TPTE2: variants seen among roughly 807,000 people sequenced by gnomAD.
TPTE2 encodes transmembrane phosphoinositide 3-phosphatase and tensin homolog 2.
TPTE2 carries 53 observed loss-of-function variants against 78.6 expected under a neutral mutation model. The observed-to-expected ratio is 0.67, with a 90% confidence interval of 0.54 to 0.85. The LOEUF is 0.85. Among genes scored for constraint, TPTE2 ranks in the 40% least tolerant of loss-of-function variants. The pLI, the probability that TPTE2 is intolerant of heterozygous loss-of-function variation, is 0.00. For synonymous variants in TPTE2, 175 were observed against 206.2 expected (o/e 0.85, Z 1.30); for missense variants, 461 against 623.0 (o/e 0.74, Z 2.77).
rs750815799 is a variant in TPTE2, at chr13:19,465,335, A to G, written c.613-17T>C. ...TTCTGAAACCTGAGAGTTTAAAATC[A>G]TCATTAGTTTGTGAAACATTCATCA... On this transcript the variant is annotated splice_polypyrimidine_tract_variant and intron_variant, in intron 8 of 19. Transcript: ENST00000400230. 2.5e-6 allele frequency: 4 copies of G among 1,613,880 alleles called. No individual in the cohort carries two copies. Among genetic ancestry groups the G allele is most frequent in the Non-Finnish European group, 3.4e-6 (4 of 1,179,818 alleles).
intron 13 of TPTE2, among the ~76,000 whole-genome samples, chr13:19,444,026 C>T (rs1312473922): frequency 6.6e-6 from 1 of 151,882 alleles, no homozygotes; most frequent in African/African-American, 2.4e-5. Flanking sequence ...AGGCTGGGCA[C>T]GGTGGCTCAG....
upstream of TPTE2, among the ~76,000 whole-genome samples, chr13:19,507,191 C>G (rs1800367149): frequency 6.6e-6 from 1 of 150,550 alleles, no homozygotes; most frequent in African/African-American, 2.5e-5. Context: ...TCATTTGGGT[C>G]AGAGCTAAAG....
upstream of TPTE2, among the ~76,000 whole-genome samples, chr13:19,504,841 T>TCTCTTTCTCTCCCTTTC (rs1868891181): frequency 6.6e-6 from 1 of 152,090 alleles, no homozygotes; most frequent in Admixed American, 6.6e-5. Context: ...CTCTCTCTTT[T>TCTCTTTCTCTCCCTTTC]CTCTTTCTCT....
At chr13:19,448,389 C>T (rs1340908554) in intron 13 of TPTE2, among the ~76,000 whole-genome samples, 1 of 152,044 alleles carries the variant, frequency 6.6e-6, no homozygotes, top group Non-Finnish European at 1.5e-5. Flanking sequence ...AAAGAGAGAA[C>T]CTACAGAATG....
At chr13:19,483,804 G>A (rs1235489405) in intron 3 of TPTE2, among the ~76,000 whole-genome samples, 1 of 151,952 alleles carries the variant, frequency 6.6e-6, no homozygotes, top group Non-Finnish European at 1.5e-5. Context: ...TATACTTTAA[G>A]TTCTAGGGTA....
chr13:19,536,965 TTATAAA>T (rs1450348240), upstream of TPTE2, among the ~76,000 whole-genome samples: 15 of 150,948 alleles, frequency 9.9e-5, no homozygotes, highest in South Asian at 1.0e-3. Context: ...AGAACATATA[TTATAAA>T]TATAATTATG....
At chr13:19,429,279 T>C (rs1876375670) in intron 17 of TPTE2, among the ~76,000 whole-genome samples, 5 of 152,368 alleles carry the variant, frequency 3.3e-5, no homozygotes, top group Admixed American at 6.5e-5. Context: ...AAGGAGATTC[T>C]GGACAATTAG....
At chr13:19,423,128 A>G (rs1875728735) in exon 20 of TPTE2, 17 of 1,611,748 alleles carry the variant, frequency 1.1e-5, no homozygotes, top group Non-Finnish European at 1.4e-5. Flanking sequence ...CTTTTTGTTT[A>G]TGTGGATTAT....
At position 19,474,639 on chromosome 13, in the gene TPTE2, T is replaced by C. The variant is rs139902925; in HGVS notation, c.231-564A>G. On this transcript the variant is annotated intron_variant, in intron 5 of 19. Coordinates refer to ENST00000400230, the Ensembl canonical transcript of TPTE2. ...AGCATAGTGATGGGCACATGAGTCT[T>C]GAACTCTAAAGTACTTCCTGCCACT... Among the ~76,000 whole-genome samples, 327 of 152,326 alleles carry C rather than the reference T, an allele frequency of 2.1e-3. 4 individuals are homozygous for C. The highest frequency in any genetic ancestry group is 7.1e-3 in the African/African-American group (296 of 41,576).
At chr13:19,459,649 G>A (rs1348298501) in intron 10 of TPTE2, among the ~76,000 whole-genome samples, 4 of 152,196 alleles carry the variant, frequency 2.6e-5, no homozygotes, top group African/African-American at 9.6e-5. Context: ...CTCCATTTCA[G>A]GGAGAGATCA....
At chr13:19,543,935 G>A in the TPTE2 span, among the ~76,000 whole-genome samples, 4 of 151,360 alleles carry the variant, frequency 2.6e-5, no homozygotes, top group Admixed American at 1.3e-4. Flanking sequence ...TGATGGCAAT[G>A]CCCGTAGTCC....
intron 10 of TPTE2, among the ~76,000 whole-genome samples, chr13:19,462,010 CA>C (rs1366328616): frequency 6.7e-6 from 1 of 148,712 alleles, no homozygotes; most frequent in Non-Finnish European, 1.5e-5. Context: ...ACATTACATT[CA>C]AGGTTACTAT....
upstream of TPTE2, among the ~76,000 whole-genome samples, chr13:19,505,053 C>T (rs754081085): frequency 2.6e-5 from 4 of 152,098 alleles, no homozygotes; most frequent in Non-Finnish European, 4.4e-5. Context: ...TAATTCTAAA[C>T]TTACTTTTTG....
chr13:19,483,622 A>C (rs748302560), intron 3 of TPTE2, among the ~76,000 whole-genome samples: 1 of 151,908 alleles, frequency 6.6e-6, no homozygotes, highest in Non-Finnish European at 1.5e-5. Flanking sequence ...TTTTGCCTCA[A>C]ATCTGTTTAT....
At chr13:19,433,290 C>A (rs954248639) in intron 15 of TPTE2, among the ~76,000 whole-genome samples, 2 of 151,962 alleles carry the variant, frequency 1.3e-5, no homozygotes, top group Non-Finnish European at 2.9e-5. Context: ...GATCACTGGG[C>A]GTCAGGAGTT....
chr13:19,511,466 A>G (rs1482632676), intron 1 of TPTE2, among the ~76,000 whole-genome samples: 2 of 152,238 alleles, frequency 1.3e-5, no homozygotes, highest in East Asian at 3.8e-4. Context: ...ATATCTGTAT[A>G]TGTCAATATG....
At chr13:19,499,147 A>C (rs2137662343) in intron 1 of TPTE2, among the ~76,000 whole-genome samples, 1 of 152,340 alleles carries the variant, frequency 6.6e-6, no homozygotes, top group East Asian at 1.9e-4. Context: ...AGACTCATAA[A>C]GCAAGTCCTG....
At chr13:19,424,640 CA>C (rs1875881636) in intron 19 of TPTE2, among the ~76,000 whole-genome samples, 1 of 152,168 alleles carries the variant, frequency 6.6e-6, no homozygotes, top group Non-Finnish European at 1.5e-5. Flanking sequence ...AGGTGCTGAG[CA>C]GACTCATATT....
At chr13:19,449,685 T>C (rs569710834) in intron 13 of TPTE2, among the ~76,000 whole-genome samples, 1 of 152,096 alleles carries the variant, frequency 6.6e-6, no homozygotes, top group South Asian at 2.1e-4. Context: ...AATATATTGA[T>C]TTTTTTGTTA....
Sources: gnomAD v4.1 joint callset for allele counts (sites outside exome capture counted in the v4.1 genomes callset) on GRCh38, gnomAD v4.1.1 for gene constraint, MANE v1.5 for transcripts, NCBI Gene and HGNC (gene_info 2026-07-23, HGNC 2026-07-21) for gene names.